The following BAZ2B variants were observed in gnomAD, a reference collection of about 807,000 sequenced individuals.
The protein encoded by BAZ2B is bromodomain adjacent to zinc finger domain protein 2B.
BAZ2B carries 91 observed loss-of-function variants against 246.0 expected under a neutral mutation model. The ratio of observed to expected loss-of-function variants is 0.37; its 90% CI spans 0.31 to 0.44. The LOEUF is 0.44. Among genes scored for constraint, BAZ2B ranks in the 20% least tolerant of loss-of-function variants. The probability of loss-of-function intolerance (pLI) is 1.00; values close to 1 mark genes in which losing one functional copy is unlikely to be tolerated. For synonymous variants in BAZ2B, 855 were observed against 860.0 expected (o/e 0.99, Z 0.10); for missense variants, 2,332 against 2,533.7 (o/e 0.92, Z 1.71).
At chr2:159,417,291 C>T (rs950998752) in intron 13 of BAZ2B, among the ~76,000 whole-genome samples, 2 of 151,790 alleles carry the variant, frequency 1.3e-5, no homozygotes, top group African/African-American at 4.8e-5. Flanking sequence ...CTGCCTCAGC[C>T]TCCCAAGTAG....
At chr2:159,387,154 A>C (rs1280263579) in intron 21 of BAZ2B, among the ~76,000 whole-genome samples, 1 of 152,116 alleles carries the variant, frequency 6.6e-6, no homozygotes, top group East Asian at 1.9e-4. Context: ...GCAGATAAAT[A>C]ACTAGGTCCA....
chr2:159,493,711 T>C (rs2080760049), intron 2 of BAZ2B, among the ~76,000 whole-genome samples: 1 of 152,244 alleles, frequency 6.6e-6, no homozygotes, highest in Non-Finnish European at 1.5e-5. Flanking sequence ...GAAGATAACC[T>C]GAAATAACTC....
chr2:159,373,281 A>G, intron 26 of BAZ2B, 92 bp from the exon 27 acceptor site: 1 of 1,194,258 alleles, frequency 8.4e-7, no homozygotes. Flanking sequence ...TGTACCTTTA[A>G]GCACATAAAT....
intron 2 of BAZ2B, among the ~76,000 whole-genome samples, chr2:159,528,823 G>C (rs1254198786): frequency 6.6e-6 from 1 of 151,924 alleles, no homozygotes; most frequent in Non-Finnish European, 1.5e-5. Flanking sequence ...CCCATAAGAT[G>C]TTCTTTGAAG....
At chr2:159,597,936 T>C (rs1335221619) in intron 1 of BAZ2B, among the ~76,000 whole-genome samples, 1 of 151,872 alleles carries the variant, frequency 6.6e-6, no homozygotes, top group African/African-American at 2.4e-5. Context: ...ATACACTAAA[T>C]ACACTAAACT....
chr2:159,446,422 C>T (rs1316731980), intron 6 of BAZ2B, among the ~76,000 whole-genome samples: 1 of 152,150 alleles, frequency 6.6e-6, no homozygotes, highest in Non-Finnish European at 1.5e-5. Flanking sequence ...TTCTAATGCA[C>T]AGGAGTTAAC....
the BAZ2B span, among the ~76,000 whole-genome samples, chr2:159,670,201 C>A: frequency 5.9e-5 from 9 of 152,210 alleles, no homozygotes; most frequent in African/African-American, 2.2e-4. Context: ...AAACTCCTGA[C>A]CTCAAGTGAT....
intron 1 of BAZ2B, among the ~76,000 whole-genome samples, chr2:159,556,286 G>T (rs1290775711): frequency 6.6e-6 from 1 of 152,096 alleles, no homozygotes; most frequent in Non-Finnish European, 1.5e-5. Flanking sequence ...GTACAGATTA[G>T]AACCAAAATG....
the BAZ2B span, among the ~76,000 whole-genome samples, chr2:159,662,586 G>A: frequency 1.3e-5 from 2 of 152,078 alleles, no homozygotes; most frequent in African/African-American, 2.4e-5. Context: ...GTGCAATGGC[G>A]TGATCTCTGC....
intron 2 of BAZ2B, among the ~76,000 whole-genome samples, chr2:159,503,010 G>T (rs2081998645): frequency 6.6e-6 from 1 of 152,072 alleles, no homozygotes. Context: ...ATACAATCCT[G>T]AATCAGTTCT....
chr2:159,678,651 T>C, the BAZ2B span, among the ~76,000 whole-genome samples: 1 of 152,168 alleles, frequency 6.6e-6, no homozygotes, highest in Non-Finnish European at 1.5e-5. Flanking sequence ...AAACTTACTA[T>C]TCTACATTTT....
At chr2:159,339,060 C>A (rs1393018068) in intron 31 of BAZ2B, among the ~76,000 whole-genome samples, 1 of 152,048 alleles carries the variant, frequency 6.6e-6, no homozygotes, top group African/African-American at 2.4e-5. Flanking sequence ...TAAACTTAAA[C>A]ATCTCTTTAG....
chr2:159,418,503 A>G lies in BAZ2B; in HGVS notation c.2467-5958T>C, dbSNP rs1478913854. Among the ~76,000 whole-genome samples the G allele has an allele frequency of 2.0e-5, 3 of 152,158 alleles. 1 individual carries two copies. The highest frequency in any genetic ancestry group is 7.2e-5 in the African/African-American group (3 of 41,440). ...TTAGCAGCCACATGTTTAGGTCTTA[A>G]TGGGATGTGTTCTCAAGTCTTATTC... On this transcript the variant is annotated intron_variant, in intron 13 of 36. Coordinates refer to ENST00000392783, the MANE Select transcript of BAZ2B (RefSeq NM_013450.4).
At chr2:159,493,148 G>A (rs1056821056) in intron 2 of BAZ2B, among the ~76,000 whole-genome samples, 3 of 152,104 alleles carry the variant, frequency 2.0e-5, no homozygotes, top group African/African-American at 7.2e-5. Context: ...CAACCATACA[G>A]CAAGCAATTC....
chr2:159,666,718 G>C, the BAZ2B span, among the ~76,000 whole-genome samples: 1 of 152,220 alleles, frequency 6.6e-6, no homozygotes, highest in Middle Eastern at 3.4e-3. Flanking sequence ...AGTTGGGTGT[G>C]GTGGCACATG....
At chr2:159,458,327 T>C in intron 3 of BAZ2B, 1 of 146,634 alleles carries the variant, frequency 6.8e-6, no homozygotes, top group Non-Finnish European at 1.5e-5. Flanking sequence ...CTATTCTTTC[T>C]TTTTTCTTTT....
At chr2:159,367,368 G>T (rs1243641038) in intron 27 of BAZ2B, among the ~76,000 whole-genome samples, 1 of 152,102 alleles carries the variant, frequency 6.6e-6, no homozygotes, top group Non-Finnish European at 1.5e-5. Context: ...TATTAGCACT[G>T]TGTGTAATGC....
the BAZ2B span, among the ~76,000 whole-genome samples, chr2:159,669,334 GTTGTT>G: frequency 1.3e-5 from 2 of 152,014 alleles, no homozygotes; most frequent in East Asian, 1.9e-4. Context: ...TTTTAAGTTT[GTTGTT>G]TTGTTTTATT....
Position 159,325,913 on chromosome 2 carries a change from A to G in BAZ2B, c.5949T>C (p.Ser1983=), listed in dbSNP as rs2063649991. The change falls in exon 35 of 37, where the codon AGT becomes AGC. Residue 1983 remains serine, a synonymous_variant. Coordinates refer to ENST00000392783, the MANE Select transcript of BAZ2B (RefSeq NM_013450.4). ...WFCPACIAKA[S]GQTLKIKKLH... ...GTTTTTTGATTTTTAGAGTTTGACC[A>G]CTTGCCTTTAATTTAAAAAAAAAGT... is the stretch of plus-strand genomic sequence containing the variant. The G allele has an allele frequency of 4.4e-6, 7 of 1,579,442 alleles. No homozygotes were observed. The highest frequency in any genetic ancestry group is 6.0e-6 in the Non-Finnish European group (7 of 1,169,594).
Sources: allele counts gnomAD v4.1 joint callset (sites outside exome capture counted in the v4.1 genomes callset), GRCh38; gene constraint gnomAD v4.1.1; transcripts MANE v1.5; gene names NCBI Gene and HGNC (gene_info 2026-07-23, HGNC 2026-07-21).